Variants in KNDC1 observed in about 807,000 individuals in gnomAD.
The protein encoded by KNDC1 is kinase non-catalytic C-lobe domain containing 1, also known as kinase non-catalytic C-lobe domain-containing protein 1.
Under a neutral mutation model 172.8 loss-of-function variants are expected in KNDC1, and 106 were observed. The ratio of observed to expected loss-of-function variants is 0.61; its 90% confidence interval spans 0.52 to 0.72. The LOEUF is 0.72. Ranked by LOEUF, KNDC1 falls within the 30% of genes least tolerant of loss-of-function variation. The pLI, the probability that KNDC1 is intolerant of heterozygous loss-of-function variation, is 0.00. For missense variants in KNDC1, 2,325 were observed against 2,394.5 expected, an observed-to-expected ratio of 0.97 and a Z score of 0.61; for synonymous variants, 1,083 against 1,062.2, an observed-to-expected ratio of 1.02 and a Z score of -0.38.
chr10:133,183,648 A>C (rs557769848), intron 4 of KNDC1, among the ~76,000 whole-genome samples, 158 bp downstream of exon 4: 13 of 152,116 alleles, frequency 8.5e-5, no homozygotes, highest in African/African-American at 3.1e-4. Context: ...TTGGTTTTTT[A>C]TTGTCCATTT....
In KNDC1 at chr10:133,195,728, C is replaced by A. The variant is rs973178485; in HGVS notation, c.1641C>A (p.His547Gln). 1.9e-5 allele frequency: 31 copies of A among 1,612,456 alleles called. No homozygotes were observed. Among genetic ancestry groups the A allele is most frequent in the Non-Finnish European group, 2.5e-5 (29 of 1,179,692 alleles). The change falls in exon 10 of 30, where the codon CAC becomes CAA. Residue 547 changes from histidine (H) to glutamine (Q), a missense_variant. Physicochemically the swap from His to Gln is conservative, Grantham distance 24. Coordinates refer to ENST00000304613, the MANE Select transcript of KNDC1 (RefSeq NM_152643.8). Reference sequence around the variant, plus strand: ...CCAAGTTCAGCGTCCCCCGCAACCACAAGCTGGCCCTGCCACGCAGGCTCA... The same window carrying A: ...CCAAGTTCAGCGTCCCCCGCAACCAAAAGCTGGCCCTGCCACGCAGGCTCA... ...TAAKFSVPRN[H>Q]KLALPRRLKT...
At chr10:133,221,687 GATA>G (rs1845590909) in intron 29 of KNDC1, among the ~76,000 whole-genome samples, 3 of 152,256 alleles carry the variant, frequency 2.0e-5, no homozygotes, top group Non-Finnish European at 2.9e-5. Context: ...CCCCTTCTTA[GATA>G]GCCACCAATT....
intron 1 of KNDC1, among the ~76,000 whole-genome samples, chr10:133,161,920 C>G (rs1852985697): frequency 6.6e-6 from 1 of 152,202 alleles, no homozygotes; most frequent in Non-Finnish European, 1.5e-5. Context: ...CACAACACGC[C>G]GCGCCAGGCG....
At chr10:133,208,757 G>A (rs536623521) in intron 20 of KNDC1, among the ~76,000 whole-genome samples, 49 of 152,338 alleles carry the variant, frequency 3.2e-4, no homozygotes, top group African/African-American at 1.1e-3. Context: ...GTCCGTGTGC[G>A]TGACTGGGCA....
chr10:133,185,426 G>A (rs143587244), intron 5 of KNDC1, among the ~76,000 whole-genome samples: 2,398 of 147,588 alleles, frequency 0.016, 12 homozygotes, highest in Non-Finnish European at 0.026. Flanking sequence ...TGTGGAGTAG[G>A]CAGTGTGTGC....
At position 133,220,124 on chromosome 10, in the gene KNDC1, C is replaced by G; in HGVS notation, c.5018+12C>G. On this transcript the variant is annotated intron_variant, in intron 29 of 29. Transcript: ENST00000304613. Reference sequence around the variant, plus strand: ...TGGAGCAAGCTCAGGTGAGGAGGGGCTCAGGCGGCCGCGCGCCCAGGAGAG... The same window carrying G: ...TGGAGCAAGCTCAGGTGAGGAGGGGGTCAGGCGGCCGCGCGCCCAGGAGAG... 1 of 1,517,196 alleles carries G rather than the reference C, an allele frequency of 6.6e-7. No homozygotes were observed. The highest frequency in any genetic ancestry group is 1.2e-5 in the South Asian group (1 of 82,448). 94.0% of individuals were successfully genotyped at this position (1,517,196 alleles called of 1,614,324 possible). A position where few individuals can be genotyped will look rare whatever the true frequency, so the allele number is the denominator to read the frequency against.
intron 3 of KNDC1, among the ~76,000 whole-genome samples, chr10:133,178,379 A>G (rs1315155496): frequency 6.6e-6 from 1 of 152,200 alleles, no homozygotes; most frequent in Non-Finnish European, 1.5e-5. Flanking sequence ...TTTTAAACAT[A>G]CAGAAAAGAG....
At chr10:133,189,717 G>T in intron 8 of KNDC1, 35 bp from the exon 9 acceptor site, 1 of 1,613,996 alleles carries the variant, frequency 6.2e-7, no homozygotes, top group Non-Finnish European at 8.5e-7. Context: ...CGGCTCGCCA[G>T]GGGTGAGGAA....
chr10:133,180,748 C>G (rs151108163), intron 3 of KNDC1, among the ~76,000 whole-genome samples: 4 of 152,226 alleles, frequency 2.6e-5, no homozygotes, highest in Non-Finnish European at 5.9e-5. Flanking sequence ...AGCCCTGATG[C>G]GCAGGGGCGC....
At chr10:133,189,443 G>A (rs567727114) in intron 7 of KNDC1, among the ~76,000 whole-genome samples, 155 bp from the exon 8 acceptor site, 2 of 152,212 alleles carry the variant, frequency 1.3e-5, no homozygotes, top group Non-Finnish European at 2.9e-5. Flanking sequence ...GGGGGCTGGG[G>A]TCAGGCCATG....
chr10:133,213,823 C>T (rs1845422584), intron 25 of KNDC1, 96 bp downstream of exon 25: 1 of 1,443,386 alleles, frequency 6.9e-7, no homozygotes, highest in African/African-American at 1.4e-5. Flanking sequence ...CAGGAGATGC[C>T]TGTGTCTCCA....
chr10:133,205,785 TGA>T (rs1005097185), intron 17 of KNDC1, among the ~76,000 whole-genome samples: 7 of 152,058 alleles, frequency 4.6e-5, no homozygotes, highest in Admixed American at 4.6e-4. Flanking sequence ...CAGTGAGTTG[TGA>T]TCGCGCCACT....
chr10:133,208,986 C>T (rs553356185), intron 20 of KNDC1, among the ~76,000 whole-genome samples: 20 of 151,216 alleles, frequency 1.3e-4, no homozygotes, highest in Admixed American at 1.1e-3. Flanking sequence ...CATGTGTGCA[C>T]GTGTGTGGTG....
At chr10:133,166,368 C>T (rs1853153015) in intron 1 of KNDC1, among the ~76,000 whole-genome samples, 1 of 152,238 alleles carries the variant, frequency 6.6e-6, no homozygotes, top group African/African-American at 2.4e-5. Flanking sequence ...CAGCTCCATA[C>T]TCGGGTGCGT....
At chr10:133,167,928 C>T (rs1329937385) in intron 2 of KNDC1, among the ~76,000 whole-genome samples, 5 of 152,206 alleles carry the variant, frequency 3.3e-5, no homozygotes, top group Admixed American at 6.5e-5. Flanking sequence ...GACGCAGGCC[C>T]GGGAGGGTGG....
intron 26 of KNDC1, 47 bp from the exon 27 acceptor site, chr10:133,218,784 T>C: frequency 6.3e-7 from 1 of 1,592,552 alleles, no homozygotes; most frequent in Non-Finnish European, 8.6e-7. Flanking sequence ...ATTCCCTTTG[T>C]TCATCTTAAA....
chr10:133,172,867 G>C (rs1853417546), intron 3 of KNDC1, among the ~76,000 whole-genome samples: 1 of 152,192 alleles, frequency 6.6e-6, no homozygotes, highest in Admixed American at 6.5e-5. Context: ...GCCGGGCATG[G>C]TGGCATGTAC....
At chr10:133,190,336 A>G (rs897530961) in intron 9 of KNDC1, among the ~76,000 whole-genome samples, 2 of 55,784 alleles carry the variant, frequency 3.6e-5, no homozygotes, top group Non-Finnish European at 1.0e-4. Context: ...ACCCTGCACT[A>G]AACACCCTGC....
chr10:133,184,682 C>T (rs61180029), intron 5 of KNDC1, among the ~76,000 whole-genome samples: 8,724 of 152,324 alleles, frequency 0.057, 779 homozygotes, highest in African/African-American at 0.19. Flanking sequence ...CCCATTTCCA[C>T]ACTCTCATGT....
Sources: allele counts gnomAD v4.1 joint callset (sites outside exome capture counted in the v4.1 genomes callset), GRCh38; gene constraint gnomAD v4.1.1; transcripts MANE v1.5; gene names NCBI Gene and HGNC (gene_info 2026-07-23, HGNC 2026-07-21).